Variants in CYP7B1 observed in about 807,000 individuals in gnomAD.
CYP7B1 encodes the protein cytochrome P450 7B1.
A neutral mutation model predicts 42.7 loss-of-function variants in CYP7B1; 29 were observed. That is an observed-to-expected ratio of 0.68 (90% confidence interval 0.51 to 0.93). The LOEUF is 0.93. Among genes scored for constraint, CYP7B1 ranks in the 40% least tolerant of loss-of-function variants. The pLI, the probability that CYP7B1 is intolerant of heterozygous loss-of-function variation, is 0.00. For missense variants in CYP7B1, 655 were observed against 600.5 expected, an observed-to-expected ratio of 1.09 and a Z score of -0.95; for synonymous variants, 235 against 218.2, an observed-to-expected ratio of 1.08 and a Z score of -0.68.
intron 1 of CYP7B1, among the ~76,000 whole-genome samples, chr8:64,751,872 C>A (rs921722549): frequency 2.0e-4 from 31 of 152,184 alleles, no homozygotes; most frequent in Admixed American, 1.4e-3. Flanking sequence ...ACCTCTCTGA[C>A]CTTTTAATCT....
intron 1 of CYP7B1, among the ~76,000 whole-genome samples, chr8:64,702,457 T>C (rs948682733): frequency 6.6e-6 from 1 of 152,090 alleles, no homozygotes; most frequent in Non-Finnish European, 1.5e-5. Flanking sequence ...AAAATATGTT[T>C]TTTCACATCT....
At chr8:64,598,334 A>G (rs978883378) in intron 5 of CYP7B1, among the ~76,000 whole-genome samples, 4 of 152,164 alleles carry the variant, frequency 2.6e-5, no homozygotes, top group Non-Finnish European at 2.9e-5. Context: ...CTGGAGATAG[A>G]GTTACTAAAT....
chr8:64,671,402 G>A (rs1270432722), intron 1 of CYP7B1, among the ~76,000 whole-genome samples: 2 of 152,068 alleles, frequency 1.3e-5, no homozygotes, highest in Non-Finnish European at 2.9e-5. Flanking sequence ...TTAAAAACTT[G>A]TTGGATGAAG....
chr8:64,764,765 A>T (rs982422432), intron 1 of CYP7B1, among the ~76,000 whole-genome samples: 3 of 152,212 alleles, frequency 2.0e-5, no homozygotes, highest in Admixed American at 2.0e-4. Context: ...AGTTCAGACT[A>T]TCCTAAGTCA....
chr8:64,673,463 C>G (rs1806397027), intron 1 of CYP7B1, among the ~76,000 whole-genome samples: 1 of 152,164 alleles, frequency 6.6e-6, no homozygotes, highest in South Asian at 2.1e-4. Context: ...GGACTTGGTC[C>G]TCCCTTCTTT....
chr8:64,618,366 C>T (rs1246197216), intron 2 of CYP7B1, among the ~76,000 whole-genome samples: 6 of 151,884 alleles, frequency 4.0e-5, no homozygotes, highest in Non-Finnish European at 5.9e-5. Context: ...ATAAAAGATT[C>T]AGTTAGTAAA....
At position 64,624,483 on chromosome 8, in the gene CYP7B1, A is replaced by T; in HGVS notation, c.179T>A (p.Leu60Gln). 1 of 1,613,768 alleles carries T rather than the reference A, an allele frequency of 6.2e-7. No homozygotes were observed. The highest frequency in any genetic ancestry group is 2.2e-5 in the East Asian group (1 of 44,844). ...CCTTAAGGGGTCTTTTCGTAAGTTCAGGACCACTCCAAGATAAGGAAGCCA... is the reference window on the plus strand; with the variant it reads ...CCTTAAGGGGTCTTTTCGTAAGTTCTGGACCACTCCAAGATAAGGAAGCCA... ...KGWLPYLGVV[L>Q]NLRKDPLRFM... Residue 60 changes from leucine (L) to glutamine (Q), a missense_variant, in exon 2 of 6, where the codon CTG becomes CAG. Physicochemically the swap from Leu to Gln is moderately radical, Grantham distance 113 (BLOSUM62 -2). Coordinates refer to ENST00000310193, the MANE Select transcript of CYP7B1 (RefSeq NM_004820.5).
At chr8:64,742,556 T>G (rs1480284555) in intron 1 of CYP7B1, among the ~76,000 whole-genome samples, 1 of 152,206 alleles carries the variant, frequency 6.6e-6, no homozygotes, top group African/African-American at 2.4e-5. Flanking sequence ...ACACTCTGGG[T>G]GGCTTAAACA....
At chr8:64,692,395 C>T (rs1329221117) in intron 1 of CYP7B1, among the ~76,000 whole-genome samples, 2 of 152,182 alleles carry the variant, frequency 1.3e-5, no homozygotes, top group Non-Finnish European at 2.9e-5. Flanking sequence ...GCTGTTGAAG[C>T]AGACCCCGGT....
At chr8:64,719,964 A>G (rs1807213631) in intron 1 of CYP7B1, among the ~76,000 whole-genome samples, 1 of 152,214 alleles carries the variant, frequency 6.6e-6, no homozygotes, top group Admixed American at 6.5e-5. Flanking sequence ...GAAACAGAAT[A>G]GGAATTCAAC....
intron 1 of CYP7B1, among the ~76,000 whole-genome samples, chr8:64,659,646 T>C (rs971842510): frequency 1.3e-5 from 2 of 151,416 alleles, no homozygotes; most frequent in African/African-American, 4.8e-5. Context: ...TAATTTTTGA[T>C]ATAAAACATT....
intron 1 of CYP7B1, among the ~76,000 whole-genome samples, chr8:64,737,494 C>G (rs530717157): frequency 6.6e-6 from 1 of 152,258 alleles, no homozygotes; most frequent in East Asian, 1.9e-4. Context: ...AAAGCATAAT[C>G]CAGCTTTTTC....
At chr8:64,748,920 G>C (rs1032747947) in intron 1 of CYP7B1, among the ~76,000 whole-genome samples, 3 of 152,132 alleles carry the variant, frequency 2.0e-5, no homozygotes, top group Non-Finnish European at 4.4e-5. Flanking sequence ...TACAGCTAGA[G>C]AAAGATAACT....
At chr8:64,765,677 A>G (rs1272149727) in intron 1 of CYP7B1, among the ~76,000 whole-genome samples, 1 of 152,184 alleles carries the variant, frequency 6.6e-6, no homozygotes. Context: ...GAAAGGAGTA[A>G]GCATTAGGAC....
At chr8:64,642,992 G>A (rs1805880109) in intron 1 of CYP7B1, among the ~76,000 whole-genome samples, 1 of 151,608 alleles carries the variant, frequency 6.6e-6, no homozygotes, top group African/African-American at 2.4e-5. Flanking sequence ...CCCAGTCATA[G>A]AAGATCCTGC....
chr8:64,659,353 C>A (rs561500109), intron 1 of CYP7B1, among the ~76,000 whole-genome samples: 1 of 152,240 alleles, frequency 6.6e-6, no homozygotes, highest in South Asian at 2.1e-4. Context: ...TCATGACTGT[C>A]TTTGCATACC....
intron 1 of CYP7B1, among the ~76,000 whole-genome samples, chr8:64,762,019 C>T (rs1428939395): frequency 6.6e-6 from 1 of 152,098 alleles, no homozygotes; most frequent in Non-Finnish European, 1.5e-5. Flanking sequence ...GAACTGCTTT[C>T]CAAATTTTCA....
At chr8:64,610,026 T>C (rs1805340784) in intron 4 of CYP7B1, among the ~76,000 whole-genome samples, 1 of 152,188 alleles carries the variant, frequency 6.6e-6, no homozygotes, top group South Asian at 2.1e-4. Flanking sequence ...GTGGTTCCAA[T>C]GAGCAATCAA....
chr8:64,726,498 C>T (rs1034631627), intron 1 of CYP7B1, among the ~76,000 whole-genome samples: 3 of 152,172 alleles, frequency 2.0e-5, no homozygotes, highest in Non-Finnish European at 4.4e-5. Flanking sequence ...CCTATTGGAA[C>T]GGGCACTAGA....
Sources: gnomAD v4.1 joint callset for allele counts (sites outside exome capture counted in the v4.1 genomes callset) on GRCh38, gnomAD v4.1.1 for gene constraint, MANE v1.5 for transcripts, NCBI Gene and HGNC (gene_info 2026-07-23, HGNC 2026-07-21) for gene names.